ROR2: variants seen among roughly 807,000 people sequenced by gnomAD.
ROR2 encodes ROR family WNT receptor 2, also known as tyrosine-protein kinase transmembrane receptor ROR2.
Under a neutral mutation model 74.9 loss-of-function variants are expected in ROR2, and 33 were observed. The ratio of observed to expected loss-of-function variants is 0.44; its 90% CI spans 0.33 to 0.59. ROR2 has a LOEUF of 0.59. Ranked by LOEUF, ROR2 falls within the 20% of genes least tolerant of loss-of-function variation. The pLI is 0.02. For synonymous variants in ROR2, 586 were observed against 558.7 expected (o/e 1.05, Z -0.69); for missense variants, 1,216 against 1,313.8 (o/e 0.93, Z 1.15).
At chr9:91,819,560 T>A (rs1828068408) in intron 1 of ROR2, among the ~76,000 whole-genome samples, 1 of 151,700 alleles carries the variant, frequency 6.6e-6, no homozygotes, top group African/African-American at 2.4e-5. Context: ...TATCTTTGTG[T>A]GTGTCTGAAT....
At chr9:91,795,453 C>T (rs1387080594) in intron 1 of ROR2, among the ~76,000 whole-genome samples, 1 of 152,110 alleles carries the variant, frequency 6.6e-6, no homozygotes, top group Non-Finnish European at 1.5e-5. Flanking sequence ...CATGTAATTG[C>T]CAACTATGAA....
At chr9:91,946,434 C>T in intron 1 of ROR2, among the ~76,000 whole-genome samples, 1 of 152,216 alleles carries the variant, frequency 6.6e-6, no homozygotes. Flanking sequence ...ACGTGGAAAC[C>T]ACAAGACGCT....
In ROR2 at chr9:91,933,990, T is replaced by C. The variant is rs73520876; in HGVS notation, c.97+15877A>G. Among the ~76,000 whole-genome samples, 582 of 152,350 alleles carry C rather than the reference T, an allele frequency of 3.8e-3. 2 individuals carry two copies. Among genetic ancestry groups the C allele is most frequent in the African/African-American group, 0.013 (554 of 41,576 alleles). On this transcript the variant is annotated intron_variant, in intron 1 of 8. Transcript: ENST00000375708. ...GTTCACTTTAACATGATTCATTTTA[T>C]GTTATGCGAATTTTACCAGAATTTT...
At chr9:91,835,774 G>A (rs1474688980) in intron 1 of ROR2, among the ~76,000 whole-genome samples, 1 of 152,210 alleles carries the variant, frequency 6.6e-6, no homozygotes, top group Non-Finnish European at 1.5e-5. Flanking sequence ...CTCAGGGGCT[G>A]ACTGGTGGAG....
At chr9:91,728,048 T>C (rs1837104258) in intron 7 of ROR2, among the ~76,000 whole-genome samples, 1 of 152,186 alleles carries the variant, frequency 6.6e-6, no homozygotes, top group Admixed American at 6.5e-5. Flanking sequence ...TTACTAGGGT[T>C]TGGTTCATTT....
intron 1 of ROR2, among the ~76,000 whole-genome samples, chr9:91,813,894 A>C (rs868818263): frequency 3.9e-5 from 6 of 152,342 alleles, no homozygotes; most frequent in Middle Eastern, 3.4e-3. Flanking sequence ...ACTCACTCAG[A>C]AAACTTAAAG....
intron 1 of ROR2, among the ~76,000 whole-genome samples, chr9:91,828,185 C>T (rs1828350185): frequency 1.3e-5 from 2 of 152,222 alleles, no homozygotes. Flanking sequence ...ATTATTCTTA[C>T]ATACTTTCTT....
At chr9:91,877,209 A>T (rs2119353177) in intron 1 of ROR2, among the ~76,000 whole-genome samples, 1 of 152,246 alleles carries the variant, frequency 6.6e-6, no homozygotes, top group Middle Eastern at 3.4e-3. Context: ...CAGAAAACTT[A>T]CCCTTTAAAT....
intron 1 of ROR2, among the ~76,000 whole-genome samples, chr9:91,936,486 G>A (rs202090203): frequency 9.2e-5 from 14 of 152,284 alleles, no homozygotes; most frequent in East Asian, 7.7e-4. Flanking sequence ...ATAGCCCACC[G>A]TAAAGACCTC....
intron 1 of ROR2, among the ~76,000 whole-genome samples, chr9:91,882,403 T>C (rs1305883961): frequency 1.5e-5 from 2 of 130,690 alleles, no homozygotes; most frequent in African/African-American, 3.2e-5. Context: ...AATGTGAGAC[T>C]CTGTCTCAAA....
chr9:91,890,395 G>A (rs1292410932), intron 1 of ROR2, among the ~76,000 whole-genome samples: 2 of 152,214 alleles, frequency 1.3e-5, no homozygotes, highest in African/African-American at 4.8e-5. Flanking sequence ...TCACTAAGAA[G>A]ACTTCTCATA....
At chr9:91,844,732 T>G (rs1828874128) in intron 1 of ROR2, among the ~76,000 whole-genome samples, 1 of 152,076 alleles carries the variant, frequency 6.6e-6, no homozygotes, top group Admixed American at 6.5e-5. Context: ...CCTACACTGT[T>G]AGGAAGGTTG....
intron 1 of ROR2, among the ~76,000 whole-genome samples, chr9:91,910,941 G>A (rs931278319): frequency 1.3e-5 from 2 of 152,196 alleles, no homozygotes; most frequent in African/African-American, 4.8e-5. Context: ...TGGGATTACA[G>A]GCGTTAGCCA....
At chr9:91,936,054 AG>A (rs1408067959) in intron 1 of ROR2, among the ~76,000 whole-genome samples, 1 of 152,218 alleles carries the variant, frequency 6.6e-6, no homozygotes, top group African/African-American at 2.4e-5. Context: ...AGCACTGACC[AG>A]CGCTGAGGGC....
chr9:91,801,505 G>C (rs1587732003), intron 1 of ROR2, among the ~76,000 whole-genome samples: 1 of 152,014 alleles, frequency 6.6e-6, no homozygotes, highest in Non-Finnish European at 1.5e-5. Flanking sequence ...GCTAATTTTT[G>C]TATTTTTTGT....
intron 1 of ROR2, among the ~76,000 whole-genome samples, chr9:91,863,780 T>G (rs1392281391): frequency 2.0e-5 from 3 of 152,104 alleles, no homozygotes; most frequent in East Asian, 1.9e-4. Context: ...CTATGACTGA[T>G]GGGCATGGTT....
At position 91,724,268 on chromosome 9, in the gene ROR2, G is replaced by A; in HGVS notation, c.2226C>T (p.Ile742=). ...TGCCCCAGGCTCGGAGCCGGCTGTG[G>A]ATGTCCTTGAAGCGGGGCCGCCGGC... ...FPSRRPRFKD[I]HSRLRAWGNL... The change falls in exon 9 of 9, where the codon ATC becomes ATT. Residue 742 remains isoleucine (I), a synonymous_variant. Transcript: ENST00000375708. 6.2e-7 allele frequency: 1 copy of A among 1,613,542 alleles called. No homozygotes were observed. The highest frequency in any genetic ancestry group is 8.5e-7 in the Non-Finnish European group (1 of 1,180,018).
At chr9:91,735,988 T>C (rs1825010614) in intron 5 of ROR2, among the ~76,000 whole-genome samples, 1 of 152,316 alleles carries the variant, frequency 6.6e-6, no homozygotes, top group East Asian at 1.9e-4. Context: ...GTGAAAGTTA[T>C]TCCCTGTAAC....
chr9:91,751,540 C>G, intron 4 of ROR2, among the ~76,000 whole-genome samples: 1 of 152,032 alleles, frequency 6.6e-6, no homozygotes, highest in Non-Finnish European at 1.5e-5. Flanking sequence ...ACCAAAAAAC[C>G]CCACAAAAAC....
Sources: gnomAD v4.1 joint callset for allele counts (sites outside exome capture counted in the v4.1 genomes callset) on GRCh38, gnomAD v4.1.1 for gene constraint, MANE v1.5 for transcripts, NCBI Gene and HGNC (gene_info 2026-07-23, HGNC 2026-07-21) for gene names.